The following INPP4A variants were observed in gnomAD, a reference collection of about 807,000 sequenced individuals.
INPP4A encodes inositol polyphosphate-4-phosphatase type I A, also known as inositol polyphosphate-4-phosphatase, type I, 107kD.
A neutral mutation model predicts 119.8 loss-of-function variants in INPP4A; 33 were observed. The observed-to-expected ratio is 0.28, with a 90% CI of 0.21 to 0.37. The LOEUF (loss-of-function observed/expected upper bound fraction) is 0.37, where lower values mean the gene tolerates loss of function less well. Ranked by LOEUF, INPP4A falls within the 10% of genes least tolerant of loss-of-function variation. INPP4A has a pLI of 1.00. For missense variants in INPP4A, 956 were observed against 1,289.9 expected, an observed-to-expected ratio of 0.74 and a Z score of 3.97; for synonymous variants, 496 against 500.7, an observed-to-expected ratio of 0.99 and a Z score of 0.12.
chr2:98,447,514 A>G (rs1694395257), intron 1 of INPP4A, among the ~76,000 whole-genome samples: 1 of 151,962 alleles, frequency 6.6e-6, no homozygotes, highest in Non-Finnish European at 1.5e-5. Context: ...GAATTTACCT[A>G]TATTTCTATT....
chr2:98,537,848 T>C lies in INPP4A; in HGVS notation c.468-15T>C. The C allele has an allele frequency of 6.4e-7, 1 of 1,566,136 alleles. No homozygotes were observed. The highest frequency in any genetic ancestry group is 8.8e-7 in the Non-Finnish European group (1 of 1,140,624). On this transcript the variant is annotated splice_polypyrimidine_tract_variant and intron_variant, in intron 7 of 24. Transcript: ENST00000409851. ...AGTTGCAGCACCACTCATTAAAGCA[T>C]GTTGTGCATCACAGGTCTGCAGAGA...
At position 98,579,835 on chromosome 2, in the gene INPP4A, T is replaced by A. The variant is rs138097243; in HGVS notation, c.2786+2692T>A. Reference sequence around the variant, plus strand: ...TTTTCTGAAATCTCTACAGTGAACATGTATCACTTTAATAGTTTTTAAAGA... The same window carrying A: ...TTTTCTGAAATCTCTACAGTGAACAAGTATCACTTTAATAGTTTTTAAAGA... On this transcript the variant is annotated intron_variant, in intron 24 of 24. Coordinates refer to ENST00000409851, the MANE Select transcript of INPP4A (RefSeq NM_001134225.2). 6.6e-3 allele frequency among the ~76,000 whole-genome samples: 998 copies of A among 152,364 alleles called. 18 individuals are homozygous for A. The highest frequency in any genetic ancestry group is 0.022 in the African/African-American group (934 of 41,592).
rs538654729 is a variant in INPP4A, at chr2:98,479,030, G to C, written c.-166+33945G>C. Among the ~76,000 whole-genome samples, 21 of 152,308 alleles carry C rather than the reference G, an allele frequency of 1.4e-4. No homozygotes were observed. The East Asian group carries it at 3.9e-3, about 28-fold the overall frequency. ...GCAGATACTGGGCCCTACCCACAGGGAGTCAGCCTTCATAGGTCGGGCACT... is the reference window on the plus strand; with the variant it reads ...GCAGATACTGGGCCCTACCCACAGGCAGTCAGCCTTCATAGGTCGGGCACT... On this transcript the variant is annotated intron_variant, in intron 1 of 24. Coordinates refer to ENST00000409851, the MANE Select transcript of INPP4A (RefSeq NM_001134225.2).
intron 10 of INPP4A, among the ~76,000 whole-genome samples, chr2:98,540,649 C>T (rs999207703): frequency 3.9e-5 from 6 of 152,226 alleles, no homozygotes; most frequent in South Asian, 2.1e-4. Context: ...TCATGCTGCA[C>T]CATCCTGTGG....
rs1259101048 is a variant in INPP4A, at chr2:98,588,607, T to C, written c.*999T>C. ...TTTAGGTTTGCAATAATTGTTACTTTCTTATTCTCATTCTTATGTAAGATG... is the reference window on the plus strand; with the variant it reads ...TTTAGGTTTGCAATAATTGTTACTTCCTTATTCTCATTCTTATGTAAGATG... On this transcript the variant is annotated 3_prime_UTR_variant, in exon 25 of 25. Transcript: ENST00000409851. 1 of 223,978 alleles carries C rather than the reference T, an allele frequency of 4.5e-6. No individual in the cohort carries two copies. Among genetic ancestry groups the C allele is most frequent in the Admixed American group, 5.7e-5 (1 of 17,456 alleles). 13.9% of individuals were successfully genotyped at this position (223,978 alleles called of 1,614,324 possible). A position where few individuals can be genotyped will look rare whatever the true frequency, so the allele number is the denominator to read the frequency against.
intron 1 of INPP4A, among the ~76,000 whole-genome samples, chr2:98,449,772 A>G (rs1574445276): frequency 6.6e-6 from 1 of 152,198 alleles, no homozygotes; most frequent in East Asian, 1.9e-4. Context: ...TGCTTTTTAA[A>G]TTTGTACTCC....
Position 98,535,750 on chromosome 2 carries a change from C to G in INPP4A, c.292C>G (p.Leu98Val), listed in dbSNP as rs1690145010. Reference protein sequence around the residue: ...IIEGTNNPIFLSSIAFFQDSL... With the variant: ...IIEGTNNPIFVSSIAFFQDSL... ...CTAGGGAACCAACAATCCTATATTTCTAAGCAGTATTGCCTTCTTTCAAGA... is the reference window on the plus strand; with the variant it reads ...CTAGGGAACCAACAATCCTATATTTGTAAGCAGTATTGCCTTCTTTCAAGA... The change falls in exon 6 of 25, where the codon CTA (leucine) becomes GTA (valine). Residue 98 changes from leucine (L) to valine (V), a missense_variant. By Grantham distance (32) the Leu-to-Val change is conservative (BLOSUM62 1). Around this residue, in one of 2 missense-constraint regions of INPP4A, gnomAD observed 652 missense variants for 797.9 expected, o/e 0.82. Coordinates refer to ENST00000409851, the MANE Select transcript of INPP4A (RefSeq NM_001134225.2). The G allele has an allele frequency of 1.3e-6, 2 of 1,547,950 alleles. No homozygotes were observed.
intron 1 of INPP4A, among the ~76,000 whole-genome samples, chr2:98,493,785 C>T (rs1681350023): frequency 6.6e-6 from 1 of 152,066 alleles, no homozygotes; most frequent in Non-Finnish European, 1.5e-5. Context: ...GCCAGCTTCC[C>T]TAACATGGGA....
intron 1 of INPP4A, among the ~76,000 whole-genome samples, chr2:98,461,612 T>A (rs189198258): frequency 3.5e-4 from 53 of 152,392 alleles, no homozygotes; most frequent in African/African-American, 1.2e-3. Flanking sequence ...GTAAAGCCTG[T>A]TTCCTACCCT....
At chr2:98,484,001 C>T (rs186911110) in intron 1 of INPP4A, among the ~76,000 whole-genome samples, 38 of 152,292 alleles carry the variant, frequency 2.5e-4, no homozygotes, top group Middle Eastern at 6.8e-3. Context: ...GGCTGGTTCT[C>T]CCAGAAGAGC....
chr2:98,508,454 T>C (rs929567929), intron 1 of INPP4A, among the ~76,000 whole-genome samples: 2 of 152,206 alleles, frequency 1.3e-5, no homozygotes, highest in Admixed American at 6.5e-5. Context: ...TGAGTGATGA[T>C]ACCCCCCTTA....
At chr2:98,471,555 T>C (rs3754891) in intron 1 of INPP4A, among the ~76,000 whole-genome samples, 46,943 of 152,074 alleles carry the variant, frequency 0.31, 7,603 homozygotes, top group African/African-American at 0.4. Flanking sequence ...TCTGCCATGC[T>C]GCTGCTTCTC....
At chr2:98,463,471 G>A (rs1265674111) in intron 1 of INPP4A, among the ~76,000 whole-genome samples, 2 of 152,234 alleles carry the variant, frequency 1.3e-5, no homozygotes, top group African/African-American at 2.4e-5. Context: ...TGGGCAGCAC[G>A]TTGCACGTAC....
intron 1 of INPP4A, among the ~76,000 whole-genome samples, chr2:98,479,106 TC>T (rs1677873097): frequency 6.6e-6 from 1 of 152,168 alleles, no homozygotes; most frequent in African/African-American, 2.4e-5. Flanking sequence ...AGACCACACT[TC>T]CAGTTGCCCT....
rs1405187699 is a variant in INPP4A at position 98,594,187 on chromosome 2, G to C, written c.*6579G>C. On this transcript the variant is annotated 3_prime_UTR_variant, in exon 25 of 25. Coordinates refer to ENST00000409851, the MANE Select transcript of INPP4A (RefSeq NM_001134225.2). Reference sequence around the variant, plus strand: ...GAGCCAAATTCAAAAGGTCAAAGGAGAAGGCAAATGGCAGAGTGTGGTAAA... The same window carrying C: ...GAGCCAAATTCAAAAGGTCAAAGGACAAGGCAAATGGCAGAGTGTGGTAAA... 4 of 152,188 alleles carry C rather than the reference G, an allele frequency of 2.6e-5. No homozygotes were observed. The highest frequency in any genetic ancestry group is 5.9e-5 in the Non-Finnish European group (4 of 68,044). The allele number at this position is 152,188 out of a possible 1,614,324, so 9.4% of individuals were successfully genotyped here.
At position 98,546,151 on chromosome 2, in the gene INPP4A, C is replaced by A; in HGVS notation, c.1054+78C>A. On this transcript the variant is annotated intron_variant, in intron 12 of 24. Coordinates refer to ENST00000409851, the MANE Select transcript of INPP4A (RefSeq NM_001134225.2). The surrounding 1 kb of genome is among the most constrained non-coding windows in gnomAD (Gnocchi z 4.2). ...GTGGGTACTTGGTCCCTGAGTACCC[C>A]ACATCTGCCCATTTCCCTGTGTGCT... 1.1e-6 allele frequency: 1 copy of A among 949,994 alleles called. No homozygotes were observed. The highest frequency in any genetic ancestry group is 1.6e-6 in the Non-Finnish European group (1 of 608,152). 58.8% of individuals were successfully genotyped at this position (949,994 alleles called of 1,614,324 possible). A position where few individuals can be genotyped will look rare whatever the true frequency, so the allele number is the denominator to read the frequency against.
At chr2:98,445,715 T>C (rs1410072363) in intron 1 of INPP4A, among the ~76,000 whole-genome samples, 1 of 152,200 alleles carries the variant, frequency 6.6e-6, no homozygotes, top group African/African-American at 2.4e-5. Flanking sequence ...TTTGTGTCTT[T>C]GTGGGCGAAG....
intron 5 of INPP4A, among the ~76,000 whole-genome samples, chr2:98,535,393 A>G (rs1690039282): frequency 6.6e-6 from 1 of 152,232 alleles, no homozygotes; most frequent in African/African-American, 2.4e-5. Context: ...AAAACTAAGA[A>G]TGCATGTGGA....
intron 1 of INPP4A, among the ~76,000 whole-genome samples, chr2:98,512,233 C>T (rs569531046): frequency 3.9e-5 from 6 of 152,316 alleles, no homozygotes; most frequent in Non-Finnish European, 5.9e-5. Context: ...GTGTTATTTC[C>T]GTTATACAGA....
Sources: allele counts gnomAD v4.1 joint callset (sites outside exome capture counted in the v4.1 genomes callset), GRCh38; gene constraint gnomAD v4.1.1; regional missense constraint gnomAD v4.1.1; non-coding constraint Gnocchi (gnomAD v3.1); transcripts MANE v1.5; gene names NCBI Gene and HGNC (gene_info 2026-07-23, HGNC 2026-07-21).